Variants in SYN2 observed in about 807,000 individuals in gnomAD.
SYN2 encodes synapsin-2.
SYN2 carries 19 observed loss-of-function variants against 50.9 expected under a neutral mutation model. The observed-to-expected ratio is 0.37, with a 90% CI of 0.26 to 0.55. The LOEUF is 0.55. SYN2 is among the 20% of genes least tolerant of loss of function. The pLI is 0.81. For synonymous variants in SYN2, 255 were observed against 224.9 expected (o/e 1.13, Z -1.20); for missense variants, 587 against 576.4 (o/e 1.02, Z -0.19).
intron 1 of SYN2, among the ~76,000 whole-genome samples, chr3:12,038,510 G>T (rs1694548963): frequency 6.6e-6 from 1 of 152,058 alleles, no homozygotes; most frequent in Non-Finnish European, 1.5e-5. Context: ...TTAATTTGGA[G>T]ATATTGGCAT....
At chr3:12,074,957 G>T (rs886597556) in intron 1 of SYN2, among the ~76,000 whole-genome samples, 7 of 152,234 alleles carry the variant, frequency 4.6e-5, no homozygotes, top group Admixed American at 2.6e-4. Context: ...GTAATTTATA[G>T]TGGGTTTCTT....
At chr3:12,148,030 C>A (rs561548353) in intron 4 of SYN2, among the ~76,000 whole-genome samples, 47 of 152,106 alleles carry the variant, frequency 3.1e-4, no homozygotes, top group African/African-American at 1.1e-3. Flanking sequence ...GGGAGAATGG[C>A]GTGAACCCGG....
chr3:12,116,875 C>T (rs1249624111), intron 1 of SYN2, among the ~76,000 whole-genome samples: 1 of 152,114 alleles, frequency 6.6e-6, no homozygotes, highest in East Asian at 1.9e-4. Context: ...CTCAGCCTCA[C>T]GAGTAGGTGG....
chr3:12,088,854 T>G (rs1003507213), intron 1 of SYN2, among the ~76,000 whole-genome samples: 2 of 151,966 alleles, frequency 1.3e-5, no homozygotes, highest in African/African-American at 4.8e-5. Flanking sequence ...AAGGAAAGAG[T>G]AGAATGATGA....
At chr3:12,106,185 T>G (rs893064361) in intron 1 of SYN2, among the ~76,000 whole-genome samples, 1 of 152,220 alleles carries the variant, frequency 6.6e-6, no homozygotes, top group Non-Finnish European at 1.5e-5. Flanking sequence ...CCAGGCTGCC[T>G]GCATTCTTTG....
intron 4 of SYN2, among the ~76,000 whole-genome samples, chr3:12,148,166 G>C (rs538542977): frequency 1.3e-5 from 2 of 152,218 alleles, no homozygotes; most frequent in African/African-American, 4.8e-5. Flanking sequence ...CTGTGCCAGA[G>C]GCCAGGGCAG....
intron 5 of SYN2, among the ~76,000 whole-genome samples, chr3:12,151,707 C>T (rs1697298299): frequency 6.6e-6 from 1 of 152,214 alleles, no homozygotes; most frequent in Admixed American, 6.5e-5. Flanking sequence ...TATCCCTGCA[C>T]AGGATATTCT....
intron 1 of SYN2, among the ~76,000 whole-genome samples, chr3:12,105,883 C>G (rs940538201): frequency 6.6e-5 from 10 of 152,082 alleles, no homozygotes; most frequent in Non-Finnish European, 1.0e-4. Flanking sequence ...CATACAACTC[C>G]TAGAGTGTAA....
In SYN2 at chr3:12,132,955, A is replaced by T. The variant is rs74727263; in HGVS notation, c.378-7696A>T. On this transcript the variant is annotated intron_variant, in intron 1 of 12. Transcript: ENST00000621198. The stretch of plus-strand genomic sequence containing the variant: ...CCTCTGATAAGATTATTTCCCCTGA[A>T]TGTGTTTTCTTACACTTAGGCACAT... Among the ~76,000 whole-genome samples the T allele has an allele frequency of 2.9e-3, 440 of 152,266 alleles. 3 individuals are homozygous for T. The highest frequency in any genetic ancestry group is 9.8e-3 in the African/African-American group (409 of 41,544).
At chr3:12,014,823 T>C (rs1462499774) in intron 1 of SYN2, among the ~76,000 whole-genome samples, 6 of 152,216 alleles carry the variant, frequency 3.9e-5, no homozygotes, top group African/African-American at 1.4e-4. Context: ...AAAGTGGGAT[T>C]GTGGGAATGG....
chr3:12,069,895 C>T (rs1695307072), intron 1 of SYN2, among the ~76,000 whole-genome samples: 1 of 151,704 alleles, frequency 6.6e-6, no homozygotes, highest in Admixed American at 6.6e-5. Context: ...CAGTCTCAAC[C>T]TCCCAGGCTC....
At chr3:12,044,632 G>C (rs1168895105) in intron 1 of SYN2, among the ~76,000 whole-genome samples, 1 of 152,120 alleles carries the variant, frequency 6.6e-6, no homozygotes, top group Non-Finnish European at 1.5e-5. Context: ...TTTTATAGGG[G>C]TGTATGGAGG....
intron 1 of SYN2, chr3:12,070,996 T>A (rs1695340058): frequency 1.8e-6 from 1 of 549,062 alleles, no homozygotes; most frequent in Admixed American, 1.9e-5. Context: ...TGGCAACAAG[T>A]GGTCCTGGTG....
chr3:12,189,549 C>A (rs185620686), intron 12 of SYN2, among the ~76,000 whole-genome samples: 28 of 152,268 alleles, frequency 1.8e-4, no homozygotes, highest in African/African-American at 6.7e-4. Context: ...TGGCTCACGC[C>A]TCTAATCCCA....
intron 1 of SYN2, among the ~76,000 whole-genome samples, chr3:12,025,020 G>A (rs1199535471): frequency 6.6e-6 from 1 of 152,204 alleles, no homozygotes; most frequent in African/African-American, 2.4e-5. Flanking sequence ...GAGGCTGAAT[G>A]TCTGAGATCA....
At chr3:12,017,979 A>G (rs1694058142) in intron 1 of SYN2, among the ~76,000 whole-genome samples, 1 of 152,228 alleles carries the variant, frequency 6.6e-6, no homozygotes, top group African/African-American at 2.4e-5. Flanking sequence ...TTTGAGCACT[A>G]TCACATTCAT....
At chr3:12,134,606 C>G (rs1696857465) in intron 1 of SYN2, among the ~76,000 whole-genome samples, 3 of 152,218 alleles carry the variant, frequency 2.0e-5, no homozygotes, top group Admixed American at 1.3e-4. Flanking sequence ...CCTTTGGGTT[C>G]CCATAATGCT....
chr3:12,173,316 A>G (rs1002141115), intron 10 of SYN2, among the ~76,000 whole-genome samples: 1 of 152,160 alleles, frequency 6.6e-6, no homozygotes, highest in South Asian at 2.1e-4. Flanking sequence ...TTCAGCCATC[A>G]TGAGACCAGG....
intron 1 of SYN2, among the ~76,000 whole-genome samples, chr3:12,050,711 C>CTCT (rs1268024407): frequency 1.2e-4 from 6 of 50,580 alleles, no homozygotes; most frequent in Admixed American, 1.1e-3. Flanking sequence ...CTTCTCTTCT[C>CTCT]TTTTTTTTTT....
Sources: gnomAD v4.1 joint callset for allele counts (sites outside exome capture counted in the v4.1 genomes callset) on GRCh38, gnomAD v4.1.1 for gene constraint, MANE v1.5 for transcripts, NCBI Gene and HGNC (gene_info 2026-07-23, HGNC 2026-07-21) for gene names.